PRPSAP1: variants seen among roughly 807,000 people sequenced by gnomAD.
PRPSAP1 encodes the protein phosphoribosyl pyrophosphate synthase-associated protein 1.
In PRPSAP1, 31 loss-of-function variants were observed where a neutral mutation model predicts 39.4. The ratio of observed to expected loss-of-function variants is 0.79; its 90% CI spans 0.59 to 1.06. The LOEUF (loss-of-function observed/expected upper bound fraction) is 1.06. Among genes scored for constraint, PRPSAP1 ranks in the 50% least tolerant of loss-of-function variants. The probability of loss-of-function intolerance (pLI) is 0.00; values close to 1 mark genes in which losing one functional copy is unlikely to be tolerated. For missense variants in PRPSAP1, 430 were observed against 511.6 expected, an observed-to-expected ratio of 0.84 and a Z score of 1.54; for synonymous variants, 212 against 192.6, an observed-to-expected ratio of 1.10 and a Z score of -0.83.
chr17:76,319,755 A>C (rs2071169004), intron 7 of PRPSAP1, among the ~76,000 whole-genome samples: 1 of 151,420 alleles, frequency 6.6e-6, no homozygotes, highest in African/African-American at 2.4e-5. Flanking sequence ...GCCTGGCCTG[A>C]CTGATTTTTA....
chr17:76,313,938 C>G, intron 7 of PRPSAP1, 47 bp from the exon 8 acceptor site: 2 of 1,595,694 alleles, frequency 1.3e-6, no homozygotes, highest in East Asian at 4.5e-5. Context: ...TCATGTATCA[C>G]TAGAGAAATG....
chr17:76,332,396 A>C lies in PRPSAP1; in HGVS notation c.330T>G (p.Ala110=). The change falls in exon 4 of 10, where the codon GCT becomes GCG. Residue 110 remains alanine (A), a synonymous_variant. Coordinates refer to ENST00000446526, the MANE Select transcript of PRPSAP1 (RefSeq NM_002766.3). ...TGGCACAGGCAGTCTTCAGTGCGTA[A>C]GCCATGATGAGCAACTCCATCACAG... ...NTAVMELLIM[A]YALKTACARN... 1 of 1,614,216 alleles carries C rather than the reference A, an allele frequency of 6.2e-7. No homozygotes were observed. Among genetic ancestry groups the C allele is most frequent in the Non-Finnish European group, 8.5e-7 (1 of 1,180,040 alleles).
At chr17:76,327,831 A>G (rs2071269935) in intron 7 of PRPSAP1, among the ~76,000 whole-genome samples, 1 of 152,150 alleles carries the variant, frequency 6.6e-6, no homozygotes, top group South Asian at 2.1e-4. Context: ...GCTACGCAGA[A>G]CCGTCCATAC....
chr17:76,332,929 C>T (rs369576857), intron 3 of PRPSAP1, among the ~76,000 whole-genome samples: 3 of 148,980 alleles, frequency 2.0e-5, no homozygotes, highest in South Asian at 2.1e-4. Flanking sequence ...GTCTCGCTGT[C>T]GCCCAGGTTG....
rs2071330128 is a variant in PRPSAP1, at chr17:76,332,302, T to C, written c.424A>G (p.Ile142Val). 2.5e-6 allele frequency: 4 copies of C among 1,614,142 alleles called. No homozygotes were observed. In the South Asian group the frequency reaches 3.3e-5, roughly 13 times the overall value. ...ATGGATGCTAGCAGCTTGCACACAA[T>C]GGAACCCCTCTTCCTCATCTTGCTC... ...KQSKMRKRGSIVCKLLASMLA... is the reference protein window; with the variant it reads ...KQSKMRKRGSVVCKLLASMLA... Residue 142 changes from isoleucine to valine, a missense_variant, in exon 4 of 10, where the codon ATT becomes GTT. By Grantham distance (29) the Ile-to-Val change is conservative (BLOSUM62 3). Transcript: ENST00000446526.
intron 8 of PRPSAP1, 176 bp downstream of exon 8, chr17:76,313,645 T>G (rs1427330334): frequency 1.6e-6 from 1 of 627,176 alleles, no homozygotes; most frequent in Non-Finnish European, 2.8e-6. Flanking sequence ...GGTTATACTT[T>G]AATGTATGTT....
intron 7 of PRPSAP1, among the ~76,000 whole-genome samples, chr17:76,322,897 G>A (rs1483371008): frequency 1.3e-5 from 2 of 152,086 alleles, no homozygotes; most frequent in South Asian, 2.1e-4. Flanking sequence ...AGGAGGCTGA[G>A]GTGGGAGGAT....
intron 7 of PRPSAP1, among the ~76,000 whole-genome samples, chr17:76,321,922 A>C (rs447123): frequency 0.82 from 124,521 of 152,016 alleles, 51,208 homozygotes; most frequent in African/African-American, 0.87. Context: ...ATCAAACCAG[A>C]CACAAAATAA....
At chr17:76,314,116 G>A (rs894333526) in intron 7 of PRPSAP1, 1 of 549,358 alleles carries the variant, frequency 1.8e-6, no homozygotes, top group African/African-American at 1.9e-5. Flanking sequence ...TTTTCTAGTA[G>A]CCACATTAAA....
intron 2 of PRPSAP1, among the ~76,000 whole-genome samples, chr17:76,347,483 T>C (rs1166216820): frequency 5.6e-5 from 2 of 36,026 alleles, no homozygotes; most frequent in East Asian, 9.5e-4. Flanking sequence ...CAAGACTCCG[T>C]CAAAAAAAAA....
intron 1 of PRPSAP1, among the ~76,000 whole-genome samples, chr17:76,352,300 G>A (rs1295409711): frequency 6.6e-6 from 1 of 152,100 alleles, no homozygotes. Flanking sequence ...GGGCATATAA[G>A]GCTCCTCCTT....
chr17:76,313,703 G>C (rs933105726), intron 8 of PRPSAP1, 118 bp downstream of exon 8: 3 of 1,143,570 alleles, frequency 2.6e-6, no homozygotes, highest in Non-Finnish European at 3.8e-6. Context: ...GTTTGGGTGA[G>C]AAAGGATACA....
rs144311788 is a variant in PRPSAP1, at chr17:76,311,650, G to T, written c.1050C>A (p.Pro350=). 1 of 1,614,076 alleles carries T rather than the reference G, an allele frequency of 6.2e-7. No individual in the cohort carries two copies. The highest frequency in any genetic ancestry group is 8.5e-7 in the Non-Finnish European group (1 of 1,179,992). ...AACTGATATCCACAGTCTTTATCTT[G>T]GGACATTGCAGCTTCTGAACCTCAT... is the stretch of plus-strand genomic sequence containing the variant. ...VPHEVQKLQC[P]KIKTVDISLI... is the part of the protein sequence containing the mutation. Residue 350 remains proline, a synonymous_variant, in exon 10 of 10, where the codon CCC becomes CCA. Transcript: ENST00000446526.
intron 8 of PRPSAP1, 29 bp downstream of exon 8, chr17:76,313,792 C>A: frequency 6.2e-7 from 1 of 1,613,258 alleles, no homozygotes; most frequent in South Asian, 1.1e-5. Flanking sequence ...GGAGTGCCAC[C>A]TCTGCACATG....
At position 76,328,760 on chromosome 17, in the gene PRPSAP1, A is replaced by G. The variant is rs1270650281; in HGVS notation, c.738T>C (p.Pro246=). 6.2e-7 allele frequency: 1 copy of G among 1,614,038 alleles called. No individual in the cohort carries two copies. Among genetic ancestry groups the G allele is most frequent in the African/African-American group, 1.3e-5 (1 of 74,916 alleles). ...GGTGCACAGTAGCATTTTTGACCAT[A>G]GGCGGGGAGTGACGACCATCGTCCA... ...LDMDDGRHSP[P]MVKNATVHPG... Residue 246 remains proline, a synonymous_variant, in exon 7 of 10, where the codon CCT becomes CCC. Coordinates refer to ENST00000446526, the MANE Select transcript of PRPSAP1 (RefSeq NM_002766.3).
chr17:76,336,106 C>T (rs902202874), intron 3 of PRPSAP1, among the ~76,000 whole-genome samples: 1 of 152,216 alleles, frequency 6.6e-6, no homozygotes, highest in African/African-American at 2.4e-5. Context: ...ACAAGATAAA[C>T]AATTTTTGAG....
intron 9 of PRPSAP1, 127 bp from the exon 10 acceptor site, chr17:76,311,827 C>T: frequency 1.8e-6 from 2 of 1,129,426 alleles, no homozygotes; most frequent in South Asian, 1.7e-5. Context: ...CCTTGTTCCA[C>T]CGAGTATAGT....
chr17:76,336,204 A>C (rs994073989), intron 3 of PRPSAP1, among the ~76,000 whole-genome samples: 1 of 152,116 alleles, frequency 6.6e-6, no homozygotes, highest in Non-Finnish European at 1.5e-5. Flanking sequence ...CCGAGAGGCC[A>C]AGACAGGTGG....
chr17:76,313,896 C>CA lies in PRPSAP1; in HGVS notation c.782-6dup. ...GCTTCTCTTTGGCCATCATCACTAG[C>CA]AAAACAAAACAAATTACAAGATCTC... On this transcript the variant is annotated splice_polypyrimidine_tract_variant and splice_region_variant and intron_variant, in intron 7 of 9. Coordinates refer to ENST00000446526, the MANE Select transcript of PRPSAP1 (RefSeq NM_002766.3). 6.2e-7 allele frequency: 1 copy of CA among 1,613,864 alleles called. No homozygotes were observed. The highest frequency in any genetic ancestry group is 8.5e-7 in the Non-Finnish European group (1 of 1,179,878).
Sources: gnomAD v4.1 joint callset for allele counts (sites outside exome capture counted in the v4.1 genomes callset) on GRCh38, gnomAD v4.1.1 for gene constraint, MANE v1.5 for transcripts, NCBI Gene and HGNC (gene_info 2026-07-23, HGNC 2026-07-21) for gene names.